PCDH9: variants seen among roughly 807,000 people sequenced by gnomAD.
PCDH9 encodes the protein protocadherin 9.
PCDH9 carries 24 observed loss-of-function variants against 70.6 expected under a neutral mutation model. The ratio of observed to expected loss-of-function variants is 0.34; its 90% CI spans 0.25 to 0.48. The LOEUF (loss-of-function observed/expected upper bound fraction) is 0.48. PCDH9 is among the 20% of genes least tolerant of loss of function. PCDH9 has a pLI of 0.99. For synonymous variants in PCDH9, 562 were observed against 558.5 expected (o/e 1.01, Z -0.09); for missense variants, 1,281 against 1,503.6 (o/e 0.85, Z 2.45).
At chr13:66,782,631 A>AT (rs764428266) in intron 3 of PCDH9, 1 of 152,194 alleles carries the variant, frequency 6.6e-6, no homozygotes, top group Non-Finnish European at 1.5e-5. Context: ...ATTAAAATCA[A>AT]TTAATTACAA....
intron 2 of PCDH9, among the ~76,000 whole-genome samples, chr13:67,130,452 T>C (rs2087084844): frequency 6.6e-6 from 1 of 152,118 alleles, no homozygotes; most frequent in African/African-American, 2.4e-5. Flanking sequence ...AAAGGTATTG[T>C]TAGTACAAAC....
At chr13:66,524,310 TTTG>T (rs1960123720) in intron 4 of PCDH9, among the ~76,000 whole-genome samples, 1 of 151,942 alleles carries the variant, frequency 6.6e-6, no homozygotes, top group Non-Finnish European at 1.5e-5. Flanking sequence ...CCTTTTCTCT[TTTG>T]TTGTTCTTTT....
At chr13:67,117,247 C>T (rs1288853267) in intron 2 of PCDH9, among the ~76,000 whole-genome samples, 1 of 152,126 alleles carries the variant, frequency 6.6e-6, no homozygotes, top group Non-Finnish European at 1.5e-5. Flanking sequence ...GTAAATTCAG[C>T]CCAGCTGAAT....
At chr13:66,677,907 T>C (rs1389232972) in intron 3 of PCDH9, among the ~76,000 whole-genome samples, 1 of 152,182 alleles carries the variant, frequency 6.6e-6, no homozygotes, top group African/African-American at 2.4e-5. Flanking sequence ...TATGTACTCG[T>C]TAATATTCTG....
At chr13:66,345,684 C>T (rs1031251146) in intron 4 of PCDH9, among the ~76,000 whole-genome samples, 13 of 152,132 alleles carry the variant, frequency 8.5e-5, no homozygotes, top group Admixed American at 2.0e-4. Context: ...ATTTGGACCT[C>T]GTTCACAGAG....
intron 3 of PCDH9, among the ~76,000 whole-genome samples, chr13:66,644,807 A>C (rs2077751317): frequency 6.6e-6 from 1 of 152,068 alleles, no homozygotes; most frequent in Non-Finnish European, 1.5e-5. Flanking sequence ...TTCTACATTA[A>C]ATAGCCATTT....
intron 2 of PCDH9, among the ~76,000 whole-genome samples, chr13:67,147,329 T>C (rs2087546269): frequency 6.6e-6 from 1 of 152,162 alleles, no homozygotes; most frequent in Admixed American, 6.5e-5. Flanking sequence ...CTACTTAGGG[T>C]ATTTTTAATA....
In PCDH9 at chr13:66,730,888, T is replaced by TTTTG. The variant is rs1449662419; in HGVS notation, c.3139-99478_3139-99477insCAAA. Among the ~76,000 whole-genome samples, 10 of 7,584 alleles carry TTTTG rather than the reference T, an allele frequency of 1.3e-3. 1 individual carries two copies. Among genetic ancestry groups the TTTTG allele is most frequent in the Non-Finnish European group, 5.6e-3 (8 of 1,430 alleles). The allele number at this position is 7,584 out of a possible 152,430, so 5.0% of individuals were successfully genotyped here. ...TTTGTGTGTGTGTGTTTTTTTTTTG[T>TTTTG]TTGTTTCTTTTTTTTTGTGGAGACA... On this transcript the variant is annotated intron_variant, in intron 3 of 4. Transcript: ENST00000377865.
At position 66,713,623 on chromosome 13, in the gene PCDH9, G is replaced by GTATATATATATATATATATATA. The variant is rs762817724; in HGVS notation, c.3139-82213_3139-82212insTATATATATATATATATATATA. ...GTATATATATATAAAGTGTGTGTGT[G>GTATATATATATATATATATATA]TGTATATATATATATATATATATAT... On this transcript the variant is annotated intron_variant, in intron 3 of 4. Transcript: ENST00000377865. 4.1e-3 allele frequency among the ~76,000 whole-genome samples: 381 copies of GTATATATATATATATATATATA among 92,834 alleles called. 5 individuals carry two copies. Among genetic ancestry groups the GTATATATATATATATATATATA allele is most frequent in the Admixed American group, 9.1e-3 (70 of 7,728 alleles). The allele number at this position is 92,834 out of a possible 152,430, so 60.9% of individuals were successfully genotyped here.
intron 4 of PCDH9, among the ~76,000 whole-genome samples, chr13:66,351,956 C>T (rs1170519995): frequency 1.3e-5 from 2 of 152,004 alleles, no homozygotes; most frequent in African/African-American, 4.8e-5. Context: ...TCTCCTCAAC[C>T]TTCAAAGTAG....
chr13:67,101,920 A>G (rs1215915725), intron 2 of PCDH9, among the ~76,000 whole-genome samples: 1 of 152,090 alleles, frequency 6.6e-6, no homozygotes, highest in Admixed American at 6.6e-5. Flanking sequence ...TGGAATACCA[A>G]CGCTGTTGAG....
chr13:66,715,069 A>G (rs1195884048), intron 3 of PCDH9, among the ~76,000 whole-genome samples: 1 of 152,142 alleles, frequency 6.6e-6, no homozygotes, highest in Non-Finnish European at 1.5e-5. Flanking sequence ...AAAAATTAGT[A>G]TTTTTGAGCA....
chr13:66,341,125 A>G (rs978600907), intron 4 of PCDH9, among the ~76,000 whole-genome samples: 4 of 151,908 alleles, frequency 2.6e-5, no homozygotes, highest in Admixed American at 6.6e-5. Flanking sequence ...TTTTTATTTT[A>G]TTTATTTACT....
At chr13:67,121,090 A>T (rs2086869407) in intron 2 of PCDH9, among the ~76,000 whole-genome samples, 1 of 152,228 alleles carries the variant, frequency 6.6e-6, no homozygotes, top group Non-Finnish European at 1.5e-5. Flanking sequence ...CAAATGACTC[A>T]GCATAGAGAA....
intron 4 of PCDH9, among the ~76,000 whole-genome samples, chr13:66,614,846 C>T (rs768208103): frequency 1.3e-5 from 2 of 152,168 alleles, no homozygotes; most frequent in African/African-American, 4.8e-5. Context: ...TAACCTGACG[C>T]GTCCACCCTA....
chr13:67,072,729 TAA>T (rs34067067), intron 2 of PCDH9, among the ~76,000 whole-genome samples: 37 of 151,818 alleles, frequency 2.4e-4, no homozygotes, highest in African/African-American at 7.0e-4. Flanking sequence ...GTAATATACT[TAA>T]AAAAAAATAG....
intron 4 of PCDH9, among the ~76,000 whole-genome samples, chr13:66,344,428 T>C (rs1956181459): frequency 6.6e-6 from 1 of 152,078 alleles, no homozygotes; most frequent in South Asian, 2.1e-4. Context: ...GCCCGGCCAA[T>C]AAAGTATTTT....
intron 4 of PCDH9, among the ~76,000 whole-genome samples, chr13:66,557,415 T>A (rs991062405): frequency 3.3e-5 from 5 of 152,206 alleles, no homozygotes; most frequent in African/African-American, 1.2e-4. Flanking sequence ...AAGCGTAGTC[T>A]ATTTTACAAA....
chr13:66,592,569 T>C (rs1566442714), intron 4 of PCDH9, among the ~76,000 whole-genome samples: 1 of 151,774 alleles, frequency 6.6e-6, no homozygotes, highest in Non-Finnish European at 1.5e-5. Flanking sequence ...TTTTCTCTTC[T>C]AAAAATCAAG....
Sources: gnomAD v4.1 joint callset for allele counts (sites outside exome capture counted in the v4.1 genomes callset) on GRCh38, gnomAD v4.1.1 for gene constraint, MANE v1.5 for transcripts, NCBI Gene and HGNC (gene_info 2026-07-23, HGNC 2026-07-21) for gene names.